IFITM10: variants seen among roughly 807,000 people sequenced by gnomAD.
IFITM10 encodes the protein interferon induced transmembrane protein 10.
A neutral mutation model predicts 19.0 loss-of-function variants in IFITM10; 17 were observed. That is an observed-to-expected ratio of 0.90 (90% CI 0.61 to 1.34). The LOEUF (loss-of-function observed/expected upper bound fraction) is 1.34, where lower values mean the gene tolerates loss of function less well. Among genes scored for constraint, IFITM10 ranks in the 40% most tolerant of loss-of-function variants. IFITM10 has a pLI of 0.00. For synonymous variants in IFITM10, 148 were observed against 147.2 expected, an observed-to-expected ratio of 1.01 and a Z score of -0.04; for missense variants, 306 against 319.8, an observed-to-expected ratio of 0.96 and a Z score of 0.33.
chr11:1,740,006 G>A (rs1851128657), intron 2 of IFITM10, among the ~76,000 whole-genome samples: 1 of 152,098 alleles, frequency 6.6e-6, no homozygotes, highest in African/African-American at 2.4e-5. Flanking sequence ...CGCTGTGTAA[G>A]AACAGATGGC....
At chr11:1,742,068 T>C (rs1845575082) in intron 2 of IFITM10, among the ~76,000 whole-genome samples, 1 of 152,140 alleles carries the variant, frequency 6.6e-6, no homozygotes, top group Non-Finnish European at 1.5e-5. Flanking sequence ...GATAATTCAT[T>C]AGAGCAGGCT....
intron 1 of IFITM10, chr11:1,748,426 A>G (rs1845679091): frequency 2.8e-6 from 1 of 356,808 alleles, no homozygotes; most frequent in East Asian, 4.1e-5. Context: ...GCTGAGACTG[A>G]CACTGTTGCA....
chr11:1,746,408 CAT>C (rs3047255), intron 2 of IFITM10: 128,479 of 397,292 alleles, frequency 0.32, 22,565 homozygotes, highest in African/African-American at 0.54. Context: ...CACATGCACA[CAT>C]AGTTACACTC....
intron 2 of IFITM10, 94 bp from the exon 3 acceptor site, chr11:1,735,523 C>T: frequency 9.0e-7 from 1 of 1,106,052 alleles, no homozygotes; most frequent in South Asian, 1.6e-5. Flanking sequence ...CCACAGTGCT[C>T]AGCACAGTAC....
intron 2 of IFITM10, 119 bp from the exon 3 acceptor site, chr11:1,735,548 C>T (rs190184458): frequency 1.3e-4 from 112 of 875,634 alleles, no homozygotes; most frequent in African/African-American, 1.1e-3. Flanking sequence ...GCTTTGTTTC[C>T]GAGAGCTGAC....
chr11:1,739,507 AT>A (rs1590895400), intron 2 of IFITM10, among the ~76,000 whole-genome samples: 5 of 152,342 alleles, frequency 3.3e-5, no homozygotes, highest in East Asian at 1.9e-4. Context: ...CGCAGCTTAC[AT>A]TGTAGGGAGA....
intron 2 of IFITM10, 53 bp from the exon 3 acceptor site, chr11:1,735,482 T>C (rs1245921095): frequency 2.0e-6 from 3 of 1,522,530 alleles, no homozygotes; most frequent in Non-Finnish European, 1.8e-6. Context: ...AGCAGGGCCT[T>C]GGAGCATCCA....
Position 1,750,304 on chromosome 11 carries a change from T to TC in IFITM10, c.84+54dup. 5 of 1,545,126 alleles carry TC rather than the reference T, an allele frequency of 3.2e-6. 1 individual carries two copies. In the South Asian group the frequency reaches 6.0e-5, roughly 18 times the overall value. On this transcript the variant is annotated intron_variant, in intron 1 of 2. Coordinates refer to ENST00000340134, the MANE Select transcript of IFITM10 (RefSeq NM_001170820.4). ...AAAACTCCAGCCTTCCCTCCCTCCC[T>TC]CCAAGTCCCCCACTTCACCACGCAG...
At chr11:1,746,403 GCACA>G (rs1232628261) in intron 2 of IFITM10, 1 of 374,938 alleles carries the variant, frequency 2.7e-6, no homozygotes, top group East Asian at 3.6e-5. Flanking sequence ...GCATTCACAT[GCACA>G]CATAGTTACA....
Position 1,750,492 on chromosome 11 carries a change from C to G in IFITM10, c.-50G>C. ...TGAAACTCCTTTCTCCTCTGCCACT[C>G]TCAACTGGCCTCCTGTGTCTCCGCA... On this transcript the variant is annotated 5_prime_UTR_variant, in exon 1 of 3. Coordinates refer to ENST00000340134, the MANE Select transcript of IFITM10 (RefSeq NM_001170820.4). 1 of 1,548,504 alleles carries G rather than the reference C, an allele frequency of 6.5e-7. No individual in the cohort carries two copies. Among genetic ancestry groups the G allele is most frequent in the Non-Finnish European group, 8.7e-7 (1 of 1,145,602 alleles).
intron 1 of IFITM10, chr11:1,748,631 A>C: frequency 6.6e-6 from 1 of 152,484 alleles, no homozygotes; most frequent in Non-Finnish European, 1.5e-5. Context: ...GGCTCTCCAG[A>C]CCCCGGGGCG....
rs551901110 is a variant in IFITM10 at position 1,737,412 on chromosome 11, C to A, written c.538-1983G>T. Among the ~76,000 whole-genome samples the A allele has an allele frequency of 1.4e-4, 21 of 152,294 alleles. No individual in the cohort carries two copies. In the South Asian group the frequency reaches 4.3e-3, roughly 32 times the overall value. On this transcript the variant is annotated intron_variant, in intron 2 of 2. Coordinates refer to ENST00000340134, the MANE Select transcript of IFITM10 (RefSeq NM_001170820.4). ...AGACAGCACAGCATAGAGGTTAAAG[C>A]ACAGATGCAGAAACACTGACTGGAT... is the stretch of plus-strand genomic sequence containing the variant.
chr11:1,747,732 T>C lies in IFITM10; in HGVS notation c.472A>G (p.Ile158Val). 3 of 1,551,818 alleles carry C rather than the reference T, an allele frequency of 1.9e-6. No homozygotes were observed. Among genetic ancestry groups the C allele is most frequent in the Non-Finnish European group, 2.6e-6 (3 of 1,146,982 alleles). Reference protein sequence around the residue: ...TEVNDYYLWSIFNFVYLNFCC... With the variant: ...TEVNDYYLWSVFNFVYLNFCC... ...AAGTTGAGGTAGACGAAGTTGAAGATGGACCACAGGTAATAGTCGTTCACC... is the reference window on the plus strand; with the variant it reads ...AAGTTGAGGTAGACGAAGTTGAAGACGGACCACAGGTAATAGTCGTTCACC... Residue 158 changes from isoleucine (I) to valine (V), a missense_variant, in exon 2 of 3, where the codon ATC becomes GTC. Physicochemically the swap from Ile to Val is conservative, Grantham distance 29. Coordinates refer to ENST00000340134, the MANE Select transcript of IFITM10 (RefSeq NM_001170820.4).
Position 1,749,010 on chromosome 11 carries a change from C to G in IFITM10, c.85-891G>C, listed in dbSNP as rs867889037. ...GCCGCAGCCCCCCGGACGGCGCCTCCTCACCTACAAGCGACTCCTCGGCGC... is the reference window on the plus strand; with the variant it reads ...GCCGCAGCCCCCCGGACGGCGCCTCGTCACCTACAAGCGACTCCTCGGCGC... On this transcript the variant is annotated intron_variant, in intron 1 of 2. Coordinates refer to ENST00000340134, the MANE Select transcript of IFITM10 (RefSeq NM_001170820.4). 6.0e-5 allele frequency: 64 copies of G among 1,058,254 alleles called. 1 individual carries two copies. The Middle Eastern group carries it at 3.9e-3, about 64-fold the overall frequency. 65.6% of individuals were successfully genotyped at this position (1,058,254 alleles called of 1,614,324 possible).
intron 2 of IFITM10, among the ~76,000 whole-genome samples, chr11:1,741,771 C>G (rs918584004): frequency 6.6e-6 from 1 of 152,116 alleles, no homozygotes; most frequent in South Asian, 2.1e-4. Context: ...TATGGTTTGA[C>G]TGTTCATGTC....
chr11:1,747,551 G>T (rs965708033), intron 2 of IFITM10, 116 bp downstream of exon 2: 2 of 902,510 alleles, frequency 2.2e-6, no homozygotes, highest in Admixed American at 2.4e-5. Context: ...AACTGCACCT[G>T]TTCTACCCGT....
At chr11:1,744,718 T>G (rs1845616518) in intron 2 of IFITM10, 1 of 152,428 alleles carries the variant, frequency 6.6e-6, no homozygotes, top group South Asian at 2.1e-4. Context: ...TTCATACCAC[T>G]GCATGCGGGC....
intron 1 of IFITM10, 27 bp downstream of exon 1, chr11:1,750,332 T>G: frequency 6.5e-7 from 1 of 1,550,348 alleles, no homozygotes; most frequent in South Asian, 1.2e-5. Flanking sequence ...CCACGCAGGT[T>G]CCCTGAGCTG....
chr11:1,739,776 G>C (rs1038943740), intron 2 of IFITM10, among the ~76,000 whole-genome samples: 1 of 152,156 alleles, frequency 6.6e-6, no homozygotes, highest in Non-Finnish European at 1.5e-5. Flanking sequence ...TTCATCTGCA[G>C]GGAGGCATGT....
Sources: allele counts gnomAD v4.1 joint callset (sites outside exome capture counted in the v4.1 genomes callset), GRCh38; gene constraint gnomAD v4.1.1; transcripts MANE v1.5; gene names NCBI Gene and HGNC (gene_info 2026-07-23, HGNC 2026-07-21).